TENM4: variants seen among roughly 807,000 people sequenced by gnomAD.
TENM4 encodes teneurin transmembrane protein 4.
A neutral mutation model predicts 243.3 loss-of-function variants in TENM4; 82 were observed. That is an observed-to-expected ratio of 0.34 (90% CI 0.28 to 0.40). The LOEUF (loss-of-function observed/expected upper bound fraction) is 0.40, where lower values mean the gene tolerates loss of function less well. Ranked by LOEUF, TENM4 falls within the 10% of genes least tolerant of loss-of-function variation. The probability of loss-of-function intolerance (pLI) is 1.00; values close to 1 mark genes in which losing one functional copy is unlikely to be tolerated. For synonymous variants in TENM4, 1,412 were observed against 1,456.3 expected, an observed-to-expected ratio of 0.97 and a Z score of 0.69; for missense variants, 3,138 against 3,673.3, an observed-to-expected ratio of 0.85 and a Z score of 3.77.
At chr11:78,966,778 C>T (rs1857446333) in intron 6 of TENM4, among the ~76,000 whole-genome samples, 1 of 152,134 alleles carries the variant, frequency 6.6e-6, no homozygotes, top group Non-Finnish European at 1.5e-5. Context: ...CCCACCTGTC[C>T]CCTTACCTCC....
At chr11:78,990,562 C>A (rs1046047653) in intron 6 of TENM4, among the ~76,000 whole-genome samples, 1 of 152,170 alleles carries the variant, frequency 6.6e-6, no homozygotes, top group African/African-American at 2.4e-5. Context: ...ACGAGATATA[C>A]TGTTCAGTGG....
intron 18 of TENM4, among the ~76,000 whole-genome samples, chr11:78,760,623 A>G (rs1221314259): frequency 6.6e-6 from 1 of 152,204 alleles, no homozygotes; most frequent in Non-Finnish European, 1.5e-5. Context: ...CCACATAGGA[A>G]CTGATAGGCC....
intron 10 of TENM4, among the ~76,000 whole-genome samples, chr11:78,857,402 G>T (rs1280487823): frequency 6.6e-6 from 1 of 152,170 alleles, no homozygotes; most frequent in Non-Finnish European, 1.5e-5. Context: ...CCCTAGCTTT[G>T]TAAGACTCCT....
chr11:79,015,477 A>AGTGTGTGTGTGTGTGTGTGTGT (rs113872101), intron 6 of TENM4, among the ~76,000 whole-genome samples: 3 of 147,142 alleles, frequency 2.0e-5, no homozygotes, highest in African/African-American at 5.0e-5. Flanking sequence ...AAAGTCATTT[A>AGTGTGTGTGTGTGTGTGTGTGT]GTGTGTGTGT....
chr11:79,044,763 T>A (rs1287096301), intron 6 of TENM4, among the ~76,000 whole-genome samples: 2 of 152,206 alleles, frequency 1.3e-5, no homozygotes, highest in Non-Finnish European at 1.5e-5. Context: ...TTACGCAGAC[T>A]ACTTGGGTTA....
At position 79,196,092 on chromosome 11, in the gene TENM4, C is replaced by G. The variant is rs560277055; in HGVS notation, c.-163+19716G>C. On this transcript the variant is annotated intron_variant, in intron 3 of 33. Coordinates refer to ENST00000278550, the MANE Select transcript of TENM4 (RefSeq NM_001098816.3). ...TCTTGCTGCCGCCATGTTAGAAGTG[C>G]CTTTCGCCTCCCACCATGATTCTGA... 1.1e-4 allele frequency among the ~76,000 whole-genome samples: 16 copies of G among 152,254 alleles called. 1 individual carries two copies. Among genetic ancestry groups the G allele is most frequent in the Middle Eastern group, 6.8e-3 (2 of 294 alleles).
intron 9 of TENM4, among the ~76,000 whole-genome samples, chr11:78,863,949 G>T (rs1218995978): frequency 1.3e-5 from 2 of 152,062 alleles, no homozygotes; most frequent in African/African-American, 4.8e-5. Flanking sequence ...ATTGATAAGG[G>T]GCAAGAAAAT....
At chr11:79,035,118 G>C (rs1217734934) in intron 6 of TENM4, among the ~76,000 whole-genome samples, 1 of 152,170 alleles carries the variant, frequency 6.6e-6, no homozygotes, top group East Asian at 1.9e-4. Context: ...GCTGTTCTGA[G>C]CCAAGCAGTG....
intron 1 of TENM4, among the ~76,000 whole-genome samples, chr11:79,400,099 C>CACCA (rs1288184782): frequency 7.1e-6 from 1 of 140,588 alleles, no homozygotes; most frequent in Non-Finnish European, 1.5e-5. Flanking sequence ...TAAACACACA[C>CACCA]CACACACACA....
At chr11:79,230,556 CT>C (rs1430567205) in intron 2 of TENM4, among the ~76,000 whole-genome samples, 1 of 152,224 alleles carries the variant, frequency 6.6e-6, no homozygotes, top group Non-Finnish European at 1.5e-5. Flanking sequence ...CTCTCTGAGC[CT>C]TAGTTCCTTC....
chr11:79,094,729 C>T (rs1861038114), intron 4 of TENM4, among the ~76,000 whole-genome samples: 1 of 152,160 alleles, frequency 6.6e-6, no homozygotes, highest in Non-Finnish European at 1.5e-5. Context: ...TATTAGAGGC[C>T]TCCGTAAATC....
intron 1 of TENM4, among the ~76,000 whole-genome samples, chr11:79,303,638 T>G (rs1700631793): frequency 6.6e-6 from 1 of 152,142 alleles, no homozygotes; most frequent in Admixed American, 6.5e-5. Flanking sequence ...GCTAACAAAA[T>G]TGCCTGAAGT....
chr11:79,181,911 A>T (rs1863288276), intron 3 of TENM4, among the ~76,000 whole-genome samples: 1 of 151,086 alleles, frequency 6.6e-6, no homozygotes, highest in African/African-American at 2.4e-5. Flanking sequence ...CAATATCTAT[A>T]TGAGGAAAAC....
chr11:78,999,440 C>T (rs1234859967), intron 6 of TENM4, among the ~76,000 whole-genome samples: 3 of 151,462 alleles, frequency 2.0e-5, no homozygotes, highest in Non-Finnish European at 4.4e-5. Flanking sequence ...GGCATGAACC[C>T]GGGAGACGGA....
At chr11:79,062,610 A>C (rs1228719739) in intron 6 of TENM4, among the ~76,000 whole-genome samples, 5 of 152,262 alleles carry the variant, frequency 3.3e-5, no homozygotes, top group Non-Finnish European at 7.3e-5. Flanking sequence ...ATTTGACCAC[A>C]GAACAGCCCC....
chr11:79,255,700 G>T (rs1346883712), intron 2 of TENM4, among the ~76,000 whole-genome samples: 1 of 152,162 alleles, frequency 6.6e-6, no homozygotes, highest in Non-Finnish European at 1.5e-5. Context: ...ATGGATAAAA[G>T]AAATCCACAG....
At chr11:78,808,356 A>G (rs1857433122) in intron 14 of TENM4, among the ~76,000 whole-genome samples, 1 of 152,236 alleles carries the variant, frequency 6.6e-6, no homozygotes. Context: ...AATGATCACA[A>G]TAACAATCAA....
chr11:79,387,216 C>T (rs1177833340), intron 1 of TENM4, among the ~76,000 whole-genome samples: 1 of 152,158 alleles, frequency 6.6e-6, no homozygotes, highest in Non-Finnish European at 1.5e-5. Context: ...CTATAGTATT[C>T]TAAGTCTGGA....
intron 6 of TENM4, among the ~76,000 whole-genome samples, chr11:79,009,639 A>AG (rs1858591349): frequency 6.6e-6 from 1 of 152,138 alleles, no homozygotes; most frequent in African/African-American, 2.4e-5. Flanking sequence ...TGTTGTTGAG[A>AG]GGATCCTAGC....
Sources: gnomAD v4.1 joint callset for allele counts (sites outside exome capture counted in the v4.1 genomes callset) on GRCh38, gnomAD v4.1.1 for gene constraint, MANE v1.5 for transcripts, NCBI Gene and HGNC (gene_info 2026-07-23, HGNC 2026-07-21) for gene names.